Variants in SPIN1 observed in about 807,000 individuals in gnomAD.
SPIN1 encodes the protein spindlin 1.
Under a neutral mutation model 26.0 loss-of-function variants are expected in SPIN1, and 3 were observed. The observed-to-expected ratio is 0.12, with a 90% CI of 0.05 to 0.30. The LOEUF (loss-of-function observed/expected upper bound fraction) is 0.30, where lower values mean the gene tolerates loss of function less well. Ranked by LOEUF, SPIN1 falls within the 10% of genes least tolerant of loss-of-function variation. The pLI is 1.00. For missense variants in SPIN1, 126 were observed against 333.4 expected (o/e 0.38, Z 4.84); for synonymous variants, 101 against 116.5 (o/e 0.87, Z 0.86).
intron 2 of SPIN1, among the ~76,000 whole-genome samples, chr9:88,442,666 T>TGA (rs750173149): frequency 1.4e-4 from 21 of 151,574 alleles, no homozygotes; most frequent in Admixed American, 6.6e-5. Context: ...ATTACAGGTG[T>TGA]GAGCCACCAT....
chr9:88,412,277 A>G (rs1827467621), intron 1 of SPIN1, among the ~76,000 whole-genome samples: 1 of 152,180 alleles, frequency 6.6e-6, no homozygotes, highest in Non-Finnish European at 1.5e-5. Context: ...AAGCTCCTCT[A>G]ATATCCTTCT....
chr9:88,457,969 G>C, intron 3 of SPIN1: 1 of 985,310 alleles, frequency 1.0e-6, no homozygotes, highest in Non-Finnish European at 1.2e-6. Context: ...GCCAGGTAAG[G>C]TTTTAAGTTT....
At chr9:88,451,555 T>TTTTGTTTG (rs904140153) in intron 3 of SPIN1, among the ~76,000 whole-genome samples, 2 of 152,134 alleles carry the variant, frequency 1.3e-5, no homozygotes, top group African/African-American at 4.8e-5. Flanking sequence ...ACGTCTGTTT[T>TTTTGTTTG]TTTGTTTGTT....
intron 1 of SPIN1, among the ~76,000 whole-genome samples, chr9:88,407,362 C>G (rs1827333004): frequency 6.6e-6 from 1 of 151,832 alleles, no homozygotes; most frequent in Non-Finnish European, 1.5e-5. Flanking sequence ...CCAGGCTGGT[C>G]TTGAACTGCT....
At chr9:88,454,173 A>G (rs1436253567) in intron 3 of SPIN1, among the ~76,000 whole-genome samples, 2 of 152,176 alleles carry the variant, frequency 1.3e-5, no homozygotes, top group East Asian at 1.9e-4. Flanking sequence ...CTGTGAGGGG[A>G]TGTTACTAAC....
chr9:88,393,050 G>A (rs1826965168), intron 1 of SPIN1, among the ~76,000 whole-genome samples: 1 of 151,954 alleles, frequency 6.6e-6, no homozygotes, highest in Non-Finnish European at 1.5e-5. Flanking sequence ...CCAGAGTCTA[G>A]CCTGTTAGAG....
At chr9:88,427,034 T>A (rs1827776911) in intron 2 of SPIN1, among the ~76,000 whole-genome samples, 1 of 152,222 alleles carries the variant, frequency 6.6e-6, no homozygotes, top group Non-Finnish European at 1.5e-5. Context: ...CATTCTTATT[T>A]TTGTGGCACA....
chr9:88,458,846 C>T (rs1828524455), intron 3 of SPIN1, among the ~76,000 whole-genome samples: 2 of 152,166 alleles, frequency 1.3e-5, no homozygotes, highest in African/African-American at 4.8e-5. Context: ...TTCCTTCCTC[C>T]TCCGAGGAGG....
At chr9:88,392,628 C>T (rs1826952416) in intron 1 of SPIN1, among the ~76,000 whole-genome samples, 1 of 151,414 alleles carries the variant, frequency 6.6e-6, no homozygotes, top group African/African-American at 2.4e-5. Flanking sequence ...TCTTTCCTTC[C>T]TTCCTTCCTT....
chr9:88,468,288 A>G, intron 4 of SPIN1, 84 bp from the exon 5 acceptor site: 1 of 1,018,916 alleles, frequency 9.8e-7, no homozygotes. Context: ...TTTCAGGTGT[A>G]GCCTTCTTTA....
At chr9:88,411,829 TC>T (rs1228992079) in intron 1 of SPIN1, among the ~76,000 whole-genome samples, 1 of 152,026 alleles carries the variant, frequency 6.6e-6, no homozygotes, top group Non-Finnish European at 1.5e-5. Context: ...TTCAACTTTT[TC>T]TTATGGTAGT....
At chr9:88,403,633 C>A (rs1587774357) in intron 1 of SPIN1, among the ~76,000 whole-genome samples, 1 of 152,098 alleles carries the variant, frequency 6.6e-6, no homozygotes, top group African/African-American at 2.4e-5. Flanking sequence ...ATCACCTGAG[C>A]CTGAGAGGTG....
chr9:88,411,462 A>G (rs930523188), intron 1 of SPIN1: 2 of 1,209,328 alleles, frequency 1.7e-6, no homozygotes, highest in Admixed American at 2.0e-5. Flanking sequence ...TGACTTAGAC[A>G]TGATGGCATG....
At chr9:88,438,034 C>T (rs989175394) in intron 2 of SPIN1, among the ~76,000 whole-genome samples, 3 of 151,824 alleles carry the variant, frequency 2.0e-5, no homozygotes, top group Non-Finnish European at 2.9e-5. Context: ...GCCTGTAATC[C>T]CAGCTACTTG....
chr9:88,445,039 G>C (rs1828218182), intron 2 of SPIN1, among the ~76,000 whole-genome samples: 1 of 152,148 alleles, frequency 6.6e-6, no homozygotes. Context: ...TTCTAAATGG[G>C]AATGTTGACT....
chr9:88,425,792 C>A (rs986392212), intron 1 of SPIN1, among the ~76,000 whole-genome samples: 1 of 152,062 alleles, frequency 6.6e-6, no homozygotes, highest in Non-Finnish European at 1.5e-5. Context: ...TTTCTGGAAG[C>A]TTGTGAGCAG....
At chr9:88,449,246 A>G (rs552432827) in intron 3 of SPIN1, among the ~76,000 whole-genome samples, 5 of 152,020 alleles carry the variant, frequency 3.3e-5, no homozygotes, top group Admixed American at 3.3e-4. Flanking sequence ...GAAAACTGTT[A>G]TGGTAAGTGT....
intron 1 of SPIN1, among the ~76,000 whole-genome samples, chr9:88,395,158 G>T (rs1167918785): frequency 6.6e-6 from 1 of 151,912 alleles, no homozygotes; most frequent in Non-Finnish European, 1.5e-5. Flanking sequence ...CATTTATGTA[G>T]TTAAAAAATC....
intron 1 of SPIN1, among the ~76,000 whole-genome samples, chr9:88,423,659 G>A (rs113969304): frequency 2.0e-5 from 3 of 151,120 alleles, no homozygotes; most frequent in East Asian, 3.9e-4. Context: ...CAGGTGATCT[G>A]CCCACCTCGG....
Sources: gnomAD v4.1 joint callset for allele counts (sites outside exome capture counted in the v4.1 genomes callset) on GRCh38, gnomAD v4.1.1 for gene constraint, MANE v1.5 for transcripts, NCBI Gene and HGNC (gene_info 2026-07-23, HGNC 2026-07-21) for gene names.